The following GRM8 variants were observed in gnomAD, a reference collection of about 807,000 sequenced individuals.
GRM8 encodes metabotropic glutamate receptor 8.
A neutral mutation model predicts 87.2 loss-of-function variants in GRM8; 47 were observed. The observed-to-expected ratio is 0.54, with a 90% CI of 0.43 to 0.69. The LOEUF is 0.69. Ranked by LOEUF, GRM8 falls within the 30% of genes least tolerant of loss-of-function variation. The pLI is 0.00. For synonymous variants in GRM8, 396 were observed against 404.5 expected (o/e 0.98, Z 0.25); for missense variants, 1,019 against 1,139.2 (o/e 0.89, Z 1.52).
chr7:126,443,474 G>C (rs1273698717), intron 10 of GRM8, among the ~76,000 whole-genome samples: 1 of 151,924 alleles, frequency 6.6e-6, no homozygotes, highest in East Asian at 1.9e-4. Context: ...TGGTGATCTG[G>C]AGTAGGATTG....
chr7:126,906,258 C>T (rs185283484), intron 3 of GRM8, among the ~76,000 whole-genome samples: 17 of 152,230 alleles, frequency 1.1e-4, no homozygotes, highest in African/African-American at 3.9e-4. Context: ...AGACCTTCAG[C>T]CTCCAGAACT....
chr7:126,903,699 A>ATATATATGTATATGTG (rs1802367574), intron 5 of GRM8, among the ~76,000 whole-genome samples: 1 of 143,900 alleles, frequency 6.9e-6, no homozygotes, highest in African/African-American at 2.5e-5. Context: ...ATATGTGTAT[A>ATATATATGTATATGTG]TATATATGTA....
intron 8 of GRM8, among the ~76,000 whole-genome samples, chr7:126,593,982 G>A (rs2151051645): frequency 6.6e-6 from 1 of 152,016 alleles, no homozygotes; most frequent in Non-Finnish European, 1.5e-5. Context: ...TAGACAATAG[G>A]TATATGAAAA....
intron 2 of GRM8, among the ~76,000 whole-genome samples, chr7:127,216,806 T>G (rs752323018): frequency 9.9e-5 from 15 of 152,176 alleles, no homozygotes; most frequent in Middle Eastern, 3.2e-3. Flanking sequence ...TTAGCTCTTT[T>G]GCACATATTC....
At chr7:126,904,250 A>G (rs150698974) in intron 4 of GRM8, 124 bp from the exon 5 acceptor site, 72 of 798,022 alleles carry the variant, frequency 9.0e-5, no homozygotes, top group African/African-American at 4.7e-4. Flanking sequence ...AATTAAGACG[A>G]TCATTCTAAC....
At chr7:127,122,823 G>A (rs555259415) in intron 2 of GRM8, among the ~76,000 whole-genome samples, 9 of 152,192 alleles carry the variant, frequency 5.9e-5, no homozygotes, top group East Asian at 1.9e-4. Flanking sequence ...AATTCAACAC[G>A]TCACCAAAAG....
At chr7:126,468,839 TAG>T (rs1281936970) in intron 9 of GRM8, among the ~76,000 whole-genome samples, 2 of 152,130 alleles carry the variant, frequency 1.3e-5, no homozygotes, top group Non-Finnish European at 2.9e-5. Flanking sequence ...GCTATACTAT[TAG>T]ATTGTCCTCT....
chr7:126,929,632 C>T (rs1805529817), intron 3 of GRM8, among the ~76,000 whole-genome samples: 1 of 152,010 alleles, frequency 6.6e-6, no homozygotes, highest in Non-Finnish European at 1.5e-5. Context: ...CGGGGTTTCA[C>T]CATGTTGGCC....
At chr7:127,212,746 A>C (rs1032356064) in intron 2 of GRM8, among the ~76,000 whole-genome samples, 4 of 152,204 alleles carry the variant, frequency 2.6e-5, no homozygotes, top group Non-Finnish European at 4.4e-5. Context: ...ACTGAGACAT[A>C]AAAACCAAAG....
intron 2 of GRM8, among the ~76,000 whole-genome samples, chr7:127,107,515 G>A (rs569440857): frequency 1.1e-4 from 17 of 152,216 alleles, no homozygotes; most frequent in Non-Finnish European, 2.2e-4. Flanking sequence ...CTGCCATGCT[G>A]TGGTATGAGT....
intron 2 of GRM8, among the ~76,000 whole-genome samples, chr7:127,135,413 T>A (rs1352093767): frequency 6.6e-6 from 1 of 152,014 alleles, no homozygotes; most frequent in African/African-American, 2.4e-5. Context: ...ATAATAGAAC[T>A]ACAATTTAAA....
chr7:126,972,458 G>A (rs1810523276), intron 3 of GRM8, among the ~76,000 whole-genome samples: 2 of 151,736 alleles, frequency 1.3e-5, no homozygotes, highest in African/African-American at 4.8e-5. Flanking sequence ...ATCAAATTTA[G>A]TTATCCTTTG....
At chr7:127,025,479 G>T (rs973429403) in intron 3 of GRM8, among the ~76,000 whole-genome samples, 3 of 152,028 alleles carry the variant, frequency 2.0e-5, no homozygotes, top group East Asian at 1.9e-4. Context: ...TTTTAGCTCC[G>T]CTATGTGCTA....
intron 2 of GRM8, among the ~76,000 whole-genome samples, chr7:127,109,103 T>A (rs1296237550): frequency 3.9e-5 from 6 of 152,294 alleles, no homozygotes; most frequent in Non-Finnish European, 7.4e-5. Flanking sequence ...GAAGTAAAAA[T>A]TTTTTAAAGA....
chr7:126,519,976 G>A (rs1425483939), intron 9 of GRM8, among the ~76,000 whole-genome samples: 2 of 151,226 alleles, frequency 1.3e-5, no homozygotes, highest in Admixed American at 6.6e-5. Flanking sequence ...TCCAAGTCTG[G>A]ATCTCTGAAA....
At position 126,664,277 on chromosome 7, in the gene GRM8, G is replaced by A. The variant is rs145580100; in HGVS notation, c.1358-54779C>T. Among the ~76,000 whole-genome samples the A allele has an allele frequency of 8.5e-5, 13 of 152,076 alleles. No individual in the cohort carries two copies. In the East Asian group the frequency reaches 1.9e-3, roughly 23 times the overall value. ...ATCAATGTTATCTCTCATAGAGTTC[G>A]AAAAACTATTCTAAAATTCATATGG... is the stretch of plus-strand genomic sequence containing the variant. On this transcript the variant is annotated intron_variant, in intron 7 of 10. Coordinates refer to ENST00000339582, the MANE Select transcript of GRM8 (RefSeq NM_000845.3).
chr7:126,799,794 A>G (rs1822437742), intron 6 of GRM8, among the ~76,000 whole-genome samples: 3 of 152,100 alleles, frequency 2.0e-5, no homozygotes, highest in Non-Finnish European at 4.4e-5. Flanking sequence ...TATTACTAAT[A>G]CCTTTGCTAT....
chr7:126,814,306 C>T (rs1793569546), intron 6 of GRM8, among the ~76,000 whole-genome samples: 1 of 152,048 alleles, frequency 6.6e-6, no homozygotes, highest in East Asian at 1.9e-4. Context: ...TTAGAACAGA[C>T]ATTAGAAAAA....
intron 3 of GRM8, among the ~76,000 whole-genome samples, chr7:126,922,018 C>T (rs1264982346): frequency 1.3e-5 from 2 of 151,956 alleles, no homozygotes; most frequent in Non-Finnish European, 2.9e-5. Flanking sequence ...AGGAAGCCTC[C>T]AGAAGAATCT....
Sources: gnomAD v4.1 joint callset for allele counts (sites outside exome capture counted in the v4.1 genomes callset) on GRCh38, gnomAD v4.1.1 for gene constraint, MANE v1.5 for transcripts, NCBI Gene and HGNC (gene_info 2026-07-23, HGNC 2026-07-21) for gene names.